Variants in KCNAB1 observed in about 807,000 individuals in gnomAD.
KCNAB1 encodes potassium voltage-gated channel subfamily A regulatory beta subunit 1, also known as voltage-gated potassium channel subunit beta-1.
A neutral mutation model predicts 64.6 loss-of-function variants in KCNAB1; 35 were observed. The ratio of observed to expected loss-of-function variants is 0.54; its 90% CI spans 0.41 to 0.72. The LOEUF is 0.72. Ranked by LOEUF, KCNAB1 falls within the 30% of genes least tolerant of loss-of-function variation. The pLI is 0.00. For synonymous variants in KCNAB1, 177 were observed against 183.8 expected (o/e 0.96, Z 0.30); for missense variants, 401 against 512.9 (o/e 0.78, Z 2.11).
chr3:156,343,000 C>G (rs1356146329), intron 1 of KCNAB1, among the ~76,000 whole-genome samples: 8 of 152,158 alleles, frequency 5.3e-5, no homozygotes, highest in African/African-American at 1.9e-4. Context: ...AGAAAACTGT[C>G]ATAGGTAACA....
At position 156,474,873 on chromosome 3, in the gene KCNAB1, G is replaced by A. The variant is rs943237032; in HGVS notation, c.658+53G>A. The A allele has an allele frequency of 7.2e-6, 9 of 1,257,346 alleles. No individual in the cohort carries two copies. In the Middle Eastern group the frequency reaches 9.5e-4, roughly 133 times the overall value. The allele number at this position is 1,257,346 out of a possible 1,614,324, so 77.9% of individuals were successfully genotyped here. Reference sequence around the variant, plus strand: ...CTAGAAATCTTGATTCAGTTTGAGGGCTTATTCTGCTCACAGCAGGAAATG... The same window carrying A: ...CTAGAAATCTTGATTCAGTTTGAGGACTTATTCTGCTCACAGCAGGAAATG... On this transcript the variant is annotated intron_variant, in intron 8 of 13. Coordinates refer to ENST00000490337, the MANE Select transcript of KCNAB1 (RefSeq NM_172160.3).
chr3:156,336,000 A>G (rs560827960), intron 1 of KCNAB1, among the ~76,000 whole-genome samples: 5 of 152,144 alleles, frequency 3.3e-5, no homozygotes, highest in Non-Finnish European at 7.4e-5. Context: ...AAAGTCAGAA[A>G]CATTGGTTAC....
chr3:156,536,527 G>A (rs1396956548), intron 13 of KCNAB1, 131 bp from the exon 14 acceptor site: 23 of 689,064 alleles, frequency 3.3e-5, no homozygotes, highest in African/African-American at 1.2e-4. Flanking sequence ...TGTTGGGGGC[G>A]GGGGGCTTAG....
chr3:156,322,189 C>G (rs1250581417), intron 1 of KCNAB1, among the ~76,000 whole-genome samples: 5 of 152,222 alleles, frequency 3.3e-5, no homozygotes, highest in African/African-American at 1.2e-4. Context: ...CGTCCCAGAA[C>G]AGTTCTTAGA....
intron 1 of KCNAB1, among the ~76,000 whole-genome samples, chr3:156,235,587 C>G (rs969887154): frequency 6.6e-6 from 1 of 152,198 alleles, no homozygotes; most frequent in Non-Finnish European, 1.5e-5. Context: ...ACAAGTCTTC[C>G]TGGAGCCTGT....
chr3:156,159,383 G>T (rs949516609), intron 1 of KCNAB1, among the ~76,000 whole-genome samples: 5 of 152,148 alleles, frequency 3.3e-5, no homozygotes, highest in Non-Finnish European at 7.4e-5. Context: ...CTAAAAGTAA[G>T]AAGAGAAACT....
intron 1 of KCNAB1, among the ~76,000 whole-genome samples, chr3:156,413,822 A>G (rs1714861076): frequency 1.3e-5 from 2 of 152,238 alleles, no homozygotes; most frequent in African/African-American, 4.8e-5. Context: ...CAGACACCTT[A>G]GACACAATCC....
intron 8 of KCNAB1, among the ~76,000 whole-genome samples, chr3:156,482,259 A>G (rs556703048): frequency 6.6e-6 from 1 of 151,728 alleles, no homozygotes; most frequent in Non-Finnish European, 1.5e-5. Flanking sequence ...AGATGTCTCT[A>G]GAAAAAAAAA....
intron 1 of KCNAB1, among the ~76,000 whole-genome samples, chr3:156,337,388 C>T (rs1386521542): frequency 1.3e-5 from 2 of 152,084 alleles, no homozygotes; most frequent in East Asian, 3.9e-4. Flanking sequence ...TTTTTTCCCC[C>T]CACTGTCTTC....
chr3:156,291,785 T>TC, intron 1 of KCNAB1: 2 of 1,521,236 alleles, frequency 1.3e-6, no homozygotes, highest in Non-Finnish European at 1.8e-6. Flanking sequence ...TCTGACGGCA[T>TC]CCCCAGGAAG....
rs550463961 is a variant in KCNAB1 at position 156,503,045 on chromosome 3, A to T, written c.659-11319A>T. 3.3e-5 allele frequency among the ~76,000 whole-genome samples: 5 copies of T among 152,368 alleles called. No homozygotes were observed. In the South Asian group the frequency reaches 8.3e-4, roughly 25 times the overall value. On this transcript the variant is annotated intron_variant, in intron 8 of 13. Coordinates refer to ENST00000490337, the MANE Select transcript of KCNAB1 (RefSeq NM_172160.3). ...AGAATTTGACATATGCAATAATAGC[A>T]TTGTACTCTATACTCATTGTGGATG... is the stretch of plus-strand genomic sequence containing the variant.
intron 1 of KCNAB1, among the ~76,000 whole-genome samples, chr3:156,393,313 T>G (rs760772815): frequency 1.5e-4 from 23 of 152,204 alleles, no homozygotes; most frequent in Admixed American, 3.3e-4. Context: ...TTTTACCCCT[T>G]ACGTATGTCT....
At chr3:156,379,283 C>T (rs1711971483) in intron 1 of KCNAB1, among the ~76,000 whole-genome samples, 1 of 152,124 alleles carries the variant, frequency 6.6e-6, no homozygotes, top group South Asian at 2.1e-4. Flanking sequence ...TAAACAAATC[C>T]AACAAACATC....
At position 156,192,579 on chromosome 3, in the gene KCNAB1, G is replaced by A. The variant is rs188662383; in HGVS notation, c.275+71693G>A. 4.2e-3 allele frequency among the ~76,000 whole-genome samples: 638 copies of A among 152,168 alleles called. 7 individuals are homozygous for A. The highest frequency in any genetic ancestry group is 0.017 in the South Asian group (83 of 4,816). ...CTTTGTTTAATTAAATATTAAAAGA[G>A]GGGTGTTGAGTTCTCCAAATGTGAT... On this transcript the variant is annotated intron_variant, in intron 1 of 13. Coordinates refer to ENST00000490337, the MANE Select transcript of KCNAB1 (RefSeq NM_172160.3).
intron 8 of KCNAB1, among the ~76,000 whole-genome samples, chr3:156,485,539 TG>T (rs1015326573): frequency 5.3e-5 from 8 of 151,536 alleles, no homozygotes; most frequent in African/African-American, 1.2e-4. Context: ...TTTGCTTTTT[TG>T]GGGGGGGCAT....
intron 1 of KCNAB1, among the ~76,000 whole-genome samples, chr3:156,190,845 A>G (rs1713520656): frequency 6.6e-6 from 1 of 152,048 alleles, no homozygotes; most frequent in Non-Finnish European, 1.5e-5. Flanking sequence ...AGGTGCTACC[A>G]CCGCGCCTGG....
chr3:156,382,404 C>T (rs1712233651), intron 1 of KCNAB1, among the ~76,000 whole-genome samples: 1 of 152,096 alleles, frequency 6.6e-6, no homozygotes, highest in South Asian at 2.1e-4. Flanking sequence ...ATCTCTTGAA[C>T]CCAGGAGGTG....
intron 9 of KCNAB1, among the ~76,000 whole-genome samples, chr3:156,514,847 C>CA (rs1717448726): frequency 6.6e-6 from 1 of 152,170 alleles, no homozygotes; most frequent in South Asian, 2.1e-4. Flanking sequence ...TCGTAGTGTA[C>CA]AATTCACACC....
rs140686365 is a variant in KCNAB1 at position 156,120,782 on chromosome 3, G to A, written c.171G>A (p.Ala57=). The A allele has an allele frequency of 1.3e-5, 21 of 1,614,214 alleles. No homozygotes were observed. The highest frequency in any genetic ancestry group is 7.7e-5 in the South Asian group (7 of 91,088). ...LSPSGESQLR[A]RQLALLREVE... The stretch of plus-strand genomic sequence containing the variant: ...CCTCAGGGGAAAGCCAGCTCAGGGC[G>A]CGTCAACTGGCTCTGCTGCGCGAAG... Residue 57 remains alanine (A), a synonymous_variant, in exon 1 of 14, where the codon GCG becomes GCA. Coordinates refer to ENST00000490337, the MANE Select transcript of KCNAB1 (RefSeq NM_172160.3).
Sources: gnomAD v4.1 joint callset for allele counts (sites outside exome capture counted in the v4.1 genomes callset) on GRCh38, gnomAD v4.1.1 for gene constraint, MANE v1.5 for transcripts, NCBI Gene and HGNC (gene_info 2026-07-23, HGNC 2026-07-21) for gene names.